IQGAP3: variants seen among roughly 807,000 people sequenced by gnomAD.
The protein encoded by IQGAP3 is IQ motif containing GTPase activating protein 3.
A neutral mutation model predicts 208.2 loss-of-function variants in IQGAP3; 165 were observed. The ratio of observed to expected loss-of-function variants is 0.79; its 90% CI spans 0.70 to 0.90. The LOEUF (loss-of-function observed/expected upper bound fraction) is 0.90, where lower values mean the gene tolerates loss of function less well. Ranked by LOEUF, IQGAP3 falls within the 40% of genes least tolerant of loss-of-function variation. The pLI, the probability that IQGAP3 is intolerant of heterozygous loss-of-function variation, is 0.00. For missense variants in IQGAP3, 1,811 were observed against 2,043.1 expected, an observed-to-expected ratio of 0.89 and a Z score of 2.19; for synonymous variants, 703 against 803.6, an observed-to-expected ratio of 0.87 and a Z score of 2.12.
In IQGAP3 at chr1:156,529,437, G is replaced by GA. The variant is rs879586070; in HGVS notation, c.4405-356dup. 7.2e-3 allele frequency among the ~76,000 whole-genome samples: 1,045 copies of GA among 144,508 alleles called. 16 individuals carry two copies. The highest frequency in any genetic ancestry group is 0.024 in the African/African-American group (961 of 39,602). The allele number at this position is 144,508 out of a possible 152,430, so 94.8% of individuals were successfully genotyped here. ...CACATTACCCAGCTAATGTGGGGAA[G>GA]AAAAAAAAAAAGAGAGTTGCAAGAA... On this transcript the variant is annotated intron_variant, in intron 34 of 37. Coordinates refer to ENST00000361170, the MANE Select transcript of IQGAP3 (RefSeq NM_178229.5).
chr1:156,528,488 C>T (rs765171293), intron 36 of IQGAP3, 21 bp downstream of exon 36: 49 of 1,582,974 alleles, frequency 3.1e-5, no homozygotes, highest in Non-Finnish European at 3.9e-5. Flanking sequence ...GGCTGACATC[C>T]TGCCCTCCAA....
intron 4 of IQGAP3, among the ~76,000 whole-genome samples, chr1:156,565,755 T>C (rs1469268082): frequency 6.6e-6 from 1 of 152,132 alleles, no homozygotes; most frequent in East Asian, 1.9e-4. Flanking sequence ...AATACGAGCA[T>C]GACATAGCAG....
At chr1:156,543,466 A>T (rs1675082222) in intron 22 of IQGAP3, among the ~76,000 whole-genome samples, 1 of 152,226 alleles carries the variant, frequency 6.6e-6, no homozygotes, top group Non-Finnish European at 1.5e-5. Context: ...AAGGAAGGGG[A>T]TGCCATTTGC....
At chr1:156,535,782 A>T (rs1438692037) in intron 27 of IQGAP3, among the ~76,000 whole-genome samples, 1 of 151,736 alleles carries the variant, frequency 6.6e-6, no homozygotes, top group Non-Finnish European at 1.5e-5. Context: ...TCCAGTTTGG[A>T]CTCCACCACC....
chr1:156,534,480 G>C, intron 29 of IQGAP3, 21 bp downstream of exon 29: 1 of 1,503,338 alleles, frequency 6.7e-7, no homozygotes, highest in Non-Finnish European at 9.0e-7. Flanking sequence ...AAAGGGGACA[G>C]AGAGGAAAGG....
chr1:156,528,858 C>A, intron 35 of IQGAP3, 58 bp downstream of exon 35: 1 of 1,587,928 alleles, frequency 6.3e-7, no homozygotes, highest in Non-Finnish European at 8.6e-7. Context: ...GCAAAGGTGA[C>A]ATGGGCAGGG....
chr1:156,548,335 G>C lies in IQGAP3; in HGVS notation c.2133+13C>G, dbSNP rs199774804. 1.2e-6 allele frequency: 2 copies of C among 1,612,356 alleles called. No homozygotes were observed. Among genetic ancestry groups the C allele is most frequent in the East Asian group, 4.5e-5 (2 of 44,828 alleles). On this transcript the variant is annotated intron_variant, in intron 18 of 37. Coordinates refer to ENST00000361170, the MANE Select transcript of IQGAP3 (RefSeq NM_178229.5). ...TATCCAAGATCCCCTACCCTTGCAG[G>C]GGCTCTGCCAACCTGGATCTCCTCC...
chr1:156,559,366 G>A (rs1178113127), intron 11 of IQGAP3, among the ~76,000 whole-genome samples: 1 of 152,238 alleles, frequency 6.6e-6, no homozygotes, highest in Non-Finnish European at 1.5e-5. Flanking sequence ...CTTAAAAGGG[G>A]CTGTGGTGCC....
At chr1:156,535,087 G>T (rs1359247359) in intron 28 of IQGAP3, 76 bp downstream of exon 28, 5 of 1,093,124 alleles carry the variant, frequency 4.6e-6, no homozygotes, top group Admixed American at 3.7e-5. Flanking sequence ...TTGTGTTTTT[G>T]TCTCAGTCTG....
intron 22 of IQGAP3, among the ~76,000 whole-genome samples, chr1:156,541,869 T>C (rs1044104174): frequency 6.6e-6 from 1 of 152,174 alleles, no homozygotes; most frequent in Non-Finnish European, 1.5e-5. Flanking sequence ...CAACCCCACC[T>C]GGGGAGTGAA....
intron 32 of IQGAP3, 76 bp downstream of exon 32, chr1:156,532,904 C>T: frequency 6.4e-7 from 1 of 1,559,506 alleles, no homozygotes; most frequent in South Asian, 1.1e-5. Context: ...GAATGGGCGC[C>T]TCAGAATAAG....
chr1:156,547,100 C>A (rs1477407243), intron 19 of IQGAP3, among the ~76,000 whole-genome samples: 1 of 152,274 alleles, frequency 6.6e-6, no homozygotes, highest in African/African-American at 2.4e-5. Flanking sequence ...GGTATCTGCT[C>A]AATTGCCATC....
In IQGAP3 at chr1:156,548,689, C is replaced by T. The variant is rs1449567979; in HGVS notation, c.1885G>A (p.Glu629Lys). Residue 629 changes from glutamate to lysine, a missense_variant, in exon 17 of 38, where the codon GAG becomes AAG. By Grantham distance (56) the Glu-to-Lys change is moderately conservative (BLOSUM62 1). Transcript: ENST00000361170. ...ACTGCGGGGTTCCTCAACACCCGCT[C>T]AGTCTGGGCTGCCTTGCCCTCCTTG... The part of the protein sequence containing the change: ...AIKEGKAAQT[E>K]RVLRNPAVAL... The T allele has an allele frequency of 1.2e-6, 2 of 1,610,476 alleles. No homozygotes were observed. The highest frequency in any genetic ancestry group is 1.7e-6 in the Non-Finnish European group (2 of 1,177,870).
chr1:156,531,297 C>A lies in IQGAP3; in HGVS notation c.4104-50G>T, dbSNP rs552029392. The A allele has an allele frequency of 1.1e-5, 16 of 1,432,556 alleles. No individual in the cohort carries two copies. The East Asian group carries it at 3.0e-4, about 26-fold the overall frequency. 88.7% of individuals were successfully genotyped at this position (1,432,556 alleles called of 1,614,324 possible). ...GGAGAGGTAAGGGGCAGGGGAAGGGCCTGGACATGGGACTGGCCAGAGGTC... is the reference window on the plus strand; with the variant it reads ...GGAGAGGTAAGGGGCAGGGGAAGGGACTGGACATGGGACTGGCCAGAGGTC... On this transcript the variant is annotated intron_variant, in intron 32 of 37. Transcript: ENST00000361170.
At chr1:156,565,260 G>C (rs1045313237) in intron 4 of IQGAP3, among the ~76,000 whole-genome samples, 1 of 152,150 alleles carries the variant, frequency 6.6e-6, no homozygotes, top group Non-Finnish European at 1.5e-5. Context: ...AATGCCACCT[G>C]ACAACTGTAA....
chr1:156,564,749 G>A (rs7517529), intron 4 of IQGAP3, 58 bp from the exon 5 acceptor site: 13,881 of 1,176,486 alleles, frequency 0.012, 502 homozygotes, highest in African/African-American at 0.11. Context: ...CACCAAATGC[G>A]GAGAGGGGGT....
chr1:156,528,894 A>C, intron 35 of IQGAP3, 22 bp downstream of exon 35: 3 of 1,613,978 alleles, frequency 1.9e-6, no homozygotes, highest in Non-Finnish European at 2.5e-6. Flanking sequence ...TAACCTTCCA[A>C]GTACGGGAAA....
chr1:156,544,369 G>A lies in IQGAP3; in HGVS notation c.2388+20C>T. The A allele has an allele frequency of 6.2e-7, 1 of 1,603,954 alleles. No homozygotes were observed. Among genetic ancestry groups the A allele is most frequent in the African/African-American group, 1.3e-5 (1 of 74,780 alleles). The stretch of plus-strand genomic sequence containing the variant: ...ACGGTCCTTTGAGAGAAAGGAGCCT[G>A]CCAAAACCACCGTAGCTACCTTGAT... On this transcript the variant is annotated intron_variant, in intron 20 of 37. Coordinates refer to ENST00000361170, the MANE Select transcript of IQGAP3 (RefSeq NM_178229.5).
In IQGAP3 at chr1:156,554,324, G is replaced by A. The variant is rs755963340; in HGVS notation, c.1359C>T (p.Ala453=). Residue 453 remains alanine (A), a synonymous_variant, in exon 13 of 38, where the codon GCC becomes GCT. Transcript: ENST00000361170. ...MLSAVVLINR[A]LEARDASGFW... ...AGCCACTGGCATCCCGGGCCTCCAG[G>A]GCCCGGTTAATCAGGACCACAGCTG... 9.9e-6 allele frequency: 16 copies of A among 1,614,026 alleles called. No individual in the cohort carries two copies. The highest frequency in any genetic ancestry group is 1.3e-5 in the Non-Finnish European group (15 of 1,180,008).
Sources: gnomAD v4.1 joint callset for allele counts (sites outside exome capture counted in the v4.1 genomes callset) on GRCh38, gnomAD v4.1.1 for gene constraint, MANE v1.5 for transcripts, NCBI Gene and HGNC (gene_info 2026-07-23, HGNC 2026-07-21) for gene names.